Variants in GAS7 observed in about 807,000 individuals in gnomAD.
GAS7 encodes growth arrest specific 7.
A neutral mutation model predicts 71.1 loss-of-function variants in GAS7; 28 were observed. The ratio of observed to expected loss-of-function variants is 0.39; its 90% confidence interval spans 0.29 to 0.54. The LOEUF is 0.54. Among genes scored for constraint, GAS7 ranks in the 20% least tolerant of loss-of-function variants. The pLI, the probability that GAS7 is intolerant of heterozygous loss-of-function variation, is 0.62. For missense variants in GAS7, 436 were observed against 627.8 expected, an observed-to-expected ratio of 0.69 and a Z score of 3.27; for synonymous variants, 258 against 245.8, an observed-to-expected ratio of 1.05 and a Z score of -0.46.
chr17:10,006,006 T>C (rs1457239110), intron 2 of GAS7, among the ~76,000 whole-genome samples: 1 of 152,188 alleles, frequency 6.6e-6, no homozygotes, highest in Non-Finnish European at 1.5e-5. Context: ...GAGATCCTGC[T>C]ATGGGATTAG....
intron 1 of GAS7, among the ~76,000 whole-genome samples, chr17:10,136,108 A>G (rs1441484431): frequency 1.3e-5 from 2 of 152,212 alleles, no homozygotes; most frequent in African/African-American, 4.8e-5. Context: ...TCTTCTATTA[A>G]TTAATCACAA....
At chr17:10,069,441 G>A (rs1162036299) in intron 1 of GAS7, among the ~76,000 whole-genome samples, 2 of 152,214 alleles carry the variant, frequency 1.3e-5, no homozygotes, top group Non-Finnish European at 2.9e-5. Context: ...TCTGAGTTCA[G>A]TATTTCATGC....
In GAS7 at chr17:9,981,904, G is replaced by C; in HGVS notation, c.305-20C>G. On this transcript the variant is annotated intron_variant, in intron 2 of 13. Coordinates refer to ENST00000432992, the MANE Select transcript of GAS7 (RefSeq NM_201433.2). This position sits in a 1 kb window ranked among gnomAD's most constrained non-coding sequence, Gnocchi z 4.4. ...TGGTCTCTGGTGAAAGAAGAGCAAA[G>C]AAAATCACTTTGAGAATGTCACAGG... 2.2e-6 allele frequency: 3 copies of C among 1,381,736 alleles called. No individual in the cohort carries two copies. Among genetic ancestry groups the C allele is most frequent in the South Asian group, 2.3e-5 (2 of 86,268 alleles). The allele number at this position is 1,381,736 out of a possible 1,614,324, so 85.6% of individuals were successfully genotyped here.
intron 1 of GAS7, among the ~76,000 whole-genome samples, chr17:10,174,168 T>A (rs925642293): frequency 6.6e-6 from 1 of 152,168 alleles, no homozygotes; most frequent in African/African-American, 2.4e-5. Context: ...ACGTTCAAAC[T>A]CATAGGCTGC....
intron 1 of GAS7, among the ~76,000 whole-genome samples, chr17:10,096,713 G>C (rs2073644846): frequency 6.6e-6 from 1 of 152,226 alleles, no homozygotes; most frequent in South Asian, 2.1e-4. Context: ...GCTGTCTTTT[G>C]CCAATGGTCT....
At position 10,069,878 on chromosome 17, in the gene GAS7, A is replaced by T. The variant is rs576371757; in HGVS notation, c.184-49981T>A. 3.3e-5 allele frequency among the ~76,000 whole-genome samples: 5 copies of T among 152,294 alleles called. No homozygotes were observed. The South Asian group carries it at 1.0e-3, about 32-fold the overall frequency. The stretch of plus-strand genomic sequence containing the variant: ...TATAATAACCATAAAAATAACCACA[A>T]CAAACACCAAGCAATGTTATTCAAT... On this transcript the variant is annotated intron_variant, in intron 1 of 13. Coordinates refer to ENST00000432992, the MANE Select transcript of GAS7 (RefSeq NM_201433.2).
intron 5 of GAS7, among the ~76,000 whole-genome samples, chr17:9,951,780 A>AAAAAC (rs1567814273): frequency 3.5e-5 from 5 of 141,940 alleles, no homozygotes; most frequent in African/African-American, 1.4e-4. Flanking sequence ...AAAAAAAAAA[A>AAAAAC]AAAAAACAAG....
At chr17:10,171,028 G>A (rs1263133228) in intron 1 of GAS7, among the ~76,000 whole-genome samples, 1 of 152,182 alleles carries the variant, frequency 6.6e-6, no homozygotes, top group Non-Finnish European at 1.5e-5. Flanking sequence ...AAGGGCAAAA[G>A]TCCTCCTAAC....
intron 5 of GAS7, among the ~76,000 whole-genome samples, chr17:9,948,199 CT>C (rs2068867251): frequency 1.3e-5 from 2 of 152,234 alleles, no homozygotes; most frequent in Non-Finnish European, 2.9e-5. Flanking sequence ...GGGGGCACCC[CT>C]AGCTCCCATG....
chr17:9,991,805 G>A (rs528461677), intron 2 of GAS7, among the ~76,000 whole-genome samples: 67 of 152,210 alleles, frequency 4.4e-4, no homozygotes, highest in African/African-American at 1.5e-3. Flanking sequence ...TCTTGTCACC[G>A]AGACAACAGG....
chr17:10,064,785 T>G (rs2073263260), intron 1 of GAS7, among the ~76,000 whole-genome samples: 1 of 152,184 alleles, frequency 6.6e-6, no homozygotes, highest in South Asian at 2.1e-4. Flanking sequence ...AAACCATGCC[T>G]GAAGCTGAAC....
Position 10,118,691 on chromosome 17 carries a change from G to A in GAS7, c.183+79517C>T, listed in dbSNP as rs1051425506. On this transcript the variant is annotated intron_variant, in intron 1 of 13. Transcript: ENST00000432992. Reference sequence around the variant, plus strand: ...TGCACTCCAGCCTGGGGGACAGAGTGAGACTCTGTCTCCAAAAAAAAAAAA... The same window carrying A: ...TGCACTCCAGCCTGGGGGACAGAGTAAGACTCTGTCTCCAAAAAAAAAAAA... 5.5e-4 allele frequency among the ~76,000 whole-genome samples: 66 copies of A among 120,254 alleles called. 1 individual carries two copies. Among genetic ancestry groups the A allele is most frequent in the African/African-American group, 2.1e-3 (65 of 31,302 alleles). The allele number at this position is 120,254 out of a possible 152,430, so 78.9% of individuals were successfully genotyped here. A position where few individuals can be genotyped will look rare whatever the true frequency, so the allele number is the denominator to read the frequency against.
intron 7 of GAS7, among the ~76,000 whole-genome samples, chr17:9,942,191 T>C (rs1050848491): frequency 1.3e-5 from 2 of 151,760 alleles, no homozygotes; most frequent in East Asian, 3.9e-4. Flanking sequence ...GAGATGGAGG[T>C]TGCAGTGAGC....
At chr17:10,091,442 C>T (rs763764363) in intron 1 of GAS7, among the ~76,000 whole-genome samples, 3 of 152,068 alleles carry the variant, frequency 2.0e-5, no homozygotes, top group African/African-American at 4.8e-5. Context: ...GGCTAGAGCA[C>T]GGTGGTGGGA....
At chr17:10,184,930 T>TTC (rs1302698695) in intron 1 of GAS7, among the ~76,000 whole-genome samples, 1 of 151,046 alleles carries the variant, frequency 6.6e-6, no homozygotes, top group African/African-American at 2.4e-5. Context: ...AAACTCTTTT[T>TTC]TTTTTTTTTT....
chr17:10,081,204 G>C (rs1297505275), intron 1 of GAS7, among the ~76,000 whole-genome samples: 1 of 152,196 alleles, frequency 6.6e-6, no homozygotes, highest in East Asian at 1.9e-4. Flanking sequence ...GCCTAGGCTG[G>C]AGTGCGATGG....
intron 1 of GAS7, among the ~76,000 whole-genome samples, chr17:10,104,183 T>C (rs1352492962): frequency 6.6e-6 from 1 of 152,188 alleles, no homozygotes; most frequent in Non-Finnish European, 1.5e-5. Context: ...CCACTGAGCC[T>C]ACTCTCCACA....
At chr17:9,955,913 G>A (rs2069216485) in intron 5 of GAS7, among the ~76,000 whole-genome samples, 1 of 152,166 alleles carries the variant, frequency 6.6e-6, no homozygotes, top group Non-Finnish European at 1.5e-5. Context: ...CAGCTGCTGG[G>A]GTCCACTGTG....
At position 9,926,496 on chromosome 17, in the gene GAS7, C is replaced by T. The variant is rs1235884787; in HGVS notation, c.1014+145G>A. ...GATGGGTGGGGTGCTCTGGCGTAGG[C>T]ACGAGGCTTGGACATCCCCCTATTC... is the stretch of plus-strand genomic sequence containing the variant. On this transcript the variant is annotated intron_variant, in intron 10 of 13. Transcript: ENST00000432992. This position sits in a 1 kb window ranked among gnomAD's most constrained non-coding sequence, Gnocchi z 5.0. The T allele has an allele frequency of 3.6e-6, 3 of 839,212 alleles. No individual in the cohort carries two copies. In the Admixed American group the frequency reaches 7.0e-5, roughly 19 times the overall value. The allele number at this position is 839,212 out of a possible 1,614,324, so 52.0% of individuals were successfully genotyped here. A position where few individuals can be genotyped will look rare whatever the true frequency, so the allele number is the denominator to read the frequency against.
Sources: gnomAD v4.1 joint callset for allele counts (sites outside exome capture counted in the v4.1 genomes callset) on GRCh38, gnomAD v4.1.1 for gene constraint, Gnocchi (gnomAD v3.1) non-coding constraint, MANE v1.5 for transcripts, NCBI Gene and HGNC (gene_info 2026-07-23, HGNC 2026-07-21) for gene names.